MYH11: variants seen among roughly 807,000 people sequenced by gnomAD.
MYH11 encodes myosin-11.
In MYH11, 80 loss-of-function variants were observed where a neutral mutation model predicts 246.6. That is an observed-to-expected ratio of 0.32 (90% CI 0.27 to 0.39). The LOEUF (loss-of-function observed/expected upper bound fraction) is 0.39. Among genes scored for constraint, MYH11 ranks in the 10% least tolerant of loss-of-function variants. The pLI, the probability that MYH11 is intolerant of heterozygous loss-of-function variation, is 1.00. For synonymous variants in MYH11, 1,071 were observed against 1,015.5 expected, an observed-to-expected ratio of 1.05 and a Z score of -1.04; for missense variants, 2,158 against 2,546.8, an observed-to-expected ratio of 0.85 and a Z score of 3.29.
intron 2 of MYH11, among the ~76,000 whole-genome samples, chr16:15,826,704 C>T (rs373926376): frequency 6.6e-6 from 1 of 151,872 alleles, no homozygotes; most frequent in Admixed American, 6.6e-5. Context: ...TTTGAAGGTA[C>T]AGGATTGTTG....
chr16:15,740,009 T>C (rs1369082627), intron 23 of MYH11, 42 bp downstream of exon 23: 1 of 1,609,938 alleles, frequency 6.2e-7, no homozygotes, highest in Non-Finnish European at 8.5e-7. Flanking sequence ...CCCAAAGTGC[T>C]CGGATTATAG....
At chr16:15,804,212 A>C (rs1022931522) in intron 3 of MYH11, among the ~76,000 whole-genome samples, 2 of 152,154 alleles carry the variant, frequency 1.3e-5, no homozygotes, top group Admixed American at 6.6e-5. Flanking sequence ...TAAAATTTAC[A>C]CTACATAAAA....
In MYH11 at chr16:15,796,732, T is replaced by A. The variant is rs146290310; in HGVS notation, c.530+1928A>T. Among the ~76,000 whole-genome samples, 22 of 152,126 alleles carry A rather than the reference T, an allele frequency of 1.4e-4. 1 individual carries two copies. The East Asian group carries it at 3.9e-3, about 27-fold the overall frequency. On this transcript the variant is annotated intron_variant, in intron 4 of 40. Transcript: ENST00000300036. ...ATATAACCACAAAGGTACTGGGCCT[T>A]ATAAGAGAGAGGTAGGGGGACCAGA...
At chr16:15,817,335 T>C (rs12708800) in intron 3 of MYH11, among the ~76,000 whole-genome samples, 7,507 of 151,918 alleles carry the variant, frequency 0.049, 651 homozygotes, top group African/African-American at 0.17. Flanking sequence ...CTACTAAAAA[T>C]ACAAAAATTA....
intron 16 of MYH11, chr16:15,749,339 T>A (rs1282895912): frequency 6.6e-6 from 1 of 152,024 alleles, no homozygotes; most frequent in Non-Finnish European, 1.5e-5. Context: ...CTTACCTAGT[T>A]CCTTCACTTC....
intron 4 of MYH11, among the ~76,000 whole-genome samples, chr16:15,798,290 T>G (rs1435310930): frequency 2.0e-5 from 3 of 152,206 alleles, no homozygotes; most frequent in Non-Finnish European, 4.4e-5. Flanking sequence ...CAGTTTAACA[T>G]CTTCCCTATC....
intron 1 of MYH11, among the ~76,000 whole-genome samples, chr16:15,840,683 A>T (rs116448644): frequency 0.015 from 2,311 of 152,124 alleles, 60 homozygotes; most frequent in African/African-American, 0.05. Flanking sequence ...AGTGAGTTGT[A>T]ATCATGCCAC....
intron 3 of MYH11, among the ~76,000 whole-genome samples, chr16:15,803,794 C>G (rs572809989): frequency 3.3e-5 from 5 of 152,260 alleles, no homozygotes; most frequent in African/African-American, 9.6e-5. Context: ...CTCACAGGGC[C>G]CCCAGGAGAG....
At chr16:15,711,937 C>G (rs1396843281) in intron 40 of MYH11, among the ~76,000 whole-genome samples, 1 of 152,194 alleles carries the variant, frequency 6.6e-6, no homozygotes, top group Non-Finnish European at 1.5e-5. Flanking sequence ...AGGTGATCAG[C>G]CTGCGTTGGC....
chr16:15,781,497 C>T (rs1474819481), intron 6 of MYH11, among the ~76,000 whole-genome samples: 1 of 152,202 alleles, frequency 6.6e-6, no homozygotes. Context: ...ACCCCCTTCT[C>T]CTGGAATGCA....
intron 4 of MYH11, chr16:15,792,043 T>C (rs1036135053): frequency 1.3e-5 from 2 of 152,224 alleles, no homozygotes; most frequent in Non-Finnish European, 2.9e-5. Context: ...ATGCCTGGTA[T>C]GCCAAAATGT....
intron 2 of MYH11, among the ~76,000 whole-genome samples, chr16:15,830,145 A>AC: frequency 6.6e-6 from 1 of 150,884 alleles, no homozygotes; most frequent in Non-Finnish European, 1.5e-5. Context: ...AAAAAAAAAA[A>AC]GACACACAGG....
intron 3 of MYH11, among the ~76,000 whole-genome samples, chr16:15,802,596 A>G (rs2042913117): frequency 1.3e-5 from 2 of 152,294 alleles, no homozygotes; most frequent in Non-Finnish European, 2.9e-5. Context: ...CTATAGGCAC[A>G]TGCCAGCATG....
At chr16:15,766,344 G>GGTGT (rs3073439) in intron 9 of MYH11, among the ~76,000 whole-genome samples, 8,530 of 136,640 alleles carry the variant, frequency 0.062, 285 homozygotes, top group Admixed American at 0.083. Context: ...CATGTTTTTT[G>GGTGT]GTGTGTGTGT....
Position 15,778,907 on chromosome 16 carries a change from G to A in MYH11, c.727-64C>T, listed in dbSNP as rs373878401. On this transcript the variant is annotated intron_variant, in intron 6 of 40. Coordinates refer to ENST00000300036, the MANE Select transcript of MYH11 (RefSeq NM_002474.3). ...ACTTCAGCCGTTAACCCCATGCTGT[G>A]GGCAAGCAGGAGGCAGATGGTACAG... The A allele has an allele frequency of 2.6e-5, 39 of 1,497,816 alleles. No individual in the cohort carries two copies. In the African/African-American group the frequency reaches 4.7e-4, roughly 18 times the overall value. The allele number at this position is 1,497,816 out of a possible 1,614,324, so 92.8% of individuals were successfully genotyped here. A position where few individuals can be genotyped will look rare whatever the true frequency, so the allele number is the denominator to read the frequency against.
Position 15,838,904 on chromosome 16 carries a change from G to A in MYH11, c.-17-635C>T, listed in dbSNP as rs536008865. Among the ~76,000 whole-genome samples the A allele has an allele frequency of 4.7e-5, 7 of 149,772 alleles. No individual in the cohort carries two copies. In the East Asian group the frequency reaches 5.9e-4, roughly 13 times the overall value. On this transcript the variant is annotated intron_variant, in intron 1 of 40. Transcript: ENST00000300036. ...GAAGAAGCCGGAAGTAAGTGTACAC[G>A]TGCTAATATGGGAAGATGGTCAAGT...
intron 13 of MYH11, among the ~76,000 whole-genome samples, chr16:15,757,261 A>G (rs112399610): frequency 0.018 from 2,710 of 151,056 alleles, 90 homozygotes; most frequent in African/African-American, 0.062. Flanking sequence ...GGCTCAAGCA[A>G]TCCTCCCACC....
intron 19 of MYH11, among the ~76,000 whole-genome samples, chr16:15,746,800 T>C (rs1049889256): frequency 6.6e-6 from 1 of 152,114 alleles, no homozygotes. Context: ...AATTCTAACA[T>C]GTCTAGGCTG....
intron 6 of MYH11, among the ~76,000 whole-genome samples, chr16:15,780,095 G>A (rs994881358): frequency 1.3e-5 from 2 of 152,220 alleles, no homozygotes; most frequent in Non-Finnish European, 2.9e-5. Context: ...TGGCAGGGAC[G>A]CCAGTGAGTG....
Sources: allele counts gnomAD v4.1 joint callset (sites outside exome capture counted in the v4.1 genomes callset), GRCh38; gene constraint gnomAD v4.1.1; transcripts MANE v1.5; gene names NCBI Gene and HGNC (gene_info 2026-07-23, HGNC 2026-07-21).